Variants in CCNH observed in about 807,000 individuals in gnomAD.
CCNH encodes the protein cyclin H.
CCNH carries 31 observed loss-of-function variants against 41.9 expected under a neutral mutation model. The ratio of observed to expected loss-of-function variants is 0.74; its 90% CI spans 0.56 to 1.00. The LOEUF is 1.00. Among genes scored for constraint, CCNH ranks in the 50% least tolerant of loss-of-function variants. The pLI is 0.00. For synonymous variants in CCNH, 138 were observed against 136.1 expected, an observed-to-expected ratio of 1.01 and a Z score of -0.10; for missense variants, 362 against 388.4, an observed-to-expected ratio of 0.93 and a Z score of 0.57.
rs1762798430 is a variant in CCNH, at chr5:87,394,878, C to G, written c.933+166G>C. ...AAATAAAGACAGAAGAGAGAAAAAT[C>G]CCTTTAATAATGGACAACAGTACTG... On this transcript the variant is annotated intron_variant, in intron 8 of 8. Transcript: ENST00000256897. The G allele has an allele frequency of 5.7e-6, 8 of 1,404,576 alleles. No homozygotes were observed. The South Asian group carries it at 1.2e-4, about 22-fold the overall frequency. 87.0% of individuals were successfully genotyped at this position (1,404,576 alleles called of 1,614,324 possible). A position where few individuals can be genotyped will look rare whatever the true frequency, so the allele number is the denominator to read the frequency against.
chr5:87,408,201 A>AAGGAGGC lies in CCNH; in HGVS notation c.315-22_315-16dup. ...CACAAGTGAGCCTAGAGGAAAAAATAAGGAGGCAGGAGGCAGGGGGTGGGT... is the reference window on the plus strand; with the variant it reads ...CACAAGTGAGCCTAGAGGAAAAAATAAGGAGGCAGGAGGCAGGAGGCAGGGGGTGGGT... On this transcript the variant is annotated splice_polypyrimidine_tract_variant and intron_variant, in intron 3 of 8. Coordinates refer to ENST00000256897, the MANE Select transcript of CCNH (RefSeq NM_001239.4). The AAGGAGGC allele has an allele frequency of 6.7e-7, 1 of 1,495,988 alleles. No individual in the cohort carries two copies. Among genetic ancestry groups the AAGGAGGC allele is most frequent in the Non-Finnish European group, 9.1e-7 (1 of 1,093,852 alleles). The allele number at this position is 1,495,988 out of a possible 1,614,324, so 92.7% of individuals were successfully genotyped here.
intron 9 of CCNH, chr5:87,366,232 C>T (rs1760502102): frequency 9.5e-6 from 2 of 211,330 alleles, no homozygotes; most frequent in African/African-American, 2.3e-5. Flanking sequence ...AAATGATTCA[C>T]TAATGATACT....
intron 3 of CCNH, among the ~76,000 whole-genome samples, chr5:87,408,636 G>A (rs1039815102): frequency 1.3e-5 from 2 of 152,160 alleles, no homozygotes; most frequent in Non-Finnish European, 2.9e-5. Context: ...AAGGGCATCT[G>A]AATAAGGGAC....
chr5:87,347,759 G>A (rs1018656349), intron 9 of CCNH, among the ~76,000 whole-genome samples: 3 of 152,092 alleles, frequency 2.0e-5, no homozygotes, highest in Middle Eastern at 3.4e-3. Context: ...TAGTAATAGA[G>A]AAGAAATTTT....
At chr5:87,341,689 G>A (rs1034628542) in intron 9 of CCNH, among the ~76,000 whole-genome samples, 3 of 151,610 alleles carry the variant, frequency 2.0e-5, no homozygotes, top group Non-Finnish European at 4.4e-5. Context: ...CCAAAATAAC[G>A]GTTCTTCACA....
At position 87,408,150 on chromosome 5, in the gene CCNH, T is replaced by C. The variant is rs936112680; in HGVS notation, c.351A>G (p.Glu117=). ...CAAACTGAGGACTAGATACATTGAATTCATCTACTTTGCAGGCCAAAAATG... is the reference window on the plus strand; with the variant it reads ...CAAACTGAGGACTAGATACATTGAACTCATCTACTTTGCAGGCCAAAAATG... ...TCAFLACKVD[E]FNVSSPQFVG... is the part of the protein sequence containing the mutation. The change falls in exon 4 of 9, where the codon GAA becomes GAG. Residue 117 remains glutamate (E), a synonymous_variant. Coordinates refer to ENST00000256897, the MANE Select transcript of CCNH (RefSeq NM_001239.4). 3.1e-6 allele frequency: 5 copies of C among 1,609,460 alleles called. No individual in the cohort carries two copies. Among genetic ancestry groups the C allele is most frequent in the Non-Finnish European group, 3.4e-6 (4 of 1,177,404 alleles).
At chr5:87,389,042 A>T (rs1158758859), downstream of CCNH, among the ~76,000 whole-genome samples, 1 of 152,214 alleles carries the variant, frequency 6.6e-6, no homozygotes, top group Non-Finnish European at 1.5e-5. Flanking sequence ...TTTTACCATC[A>T]TTAATACTGA....
chr5:87,364,689 C>T (rs1361538891), intron 9 of CCNH, among the ~76,000 whole-genome samples: 1 of 152,080 alleles, frequency 6.6e-6, no homozygotes, highest in Non-Finnish European at 1.5e-5. Flanking sequence ...ACTCTGCACC[C>T]TTCTTGTGGG....
chr5:87,318,750 C>T (rs1580248061), exon 10 of CCNH: 1 of 152,288 alleles, frequency 6.6e-6, no homozygotes, highest in East Asian at 1.9e-4. Flanking sequence ...TCATTCTCCC[C>T]AGCCTCTCCC....
chr5:87,345,264 TAG>T (rs776891638), intron 9 of CCNH, among the ~76,000 whole-genome samples: 15 of 152,202 alleles, frequency 9.9e-5, no homozygotes, highest in Non-Finnish European at 1.8e-4. Context: ...GAAAACTCTT[TAG>T]AAAGAGATAT....
chr5:87,343,914 A>G (rs1180218499), intron 9 of CCNH, among the ~76,000 whole-genome samples: 1 of 152,226 alleles, frequency 6.6e-6, no homozygotes, highest in Non-Finnish European at 1.5e-5. Flanking sequence ...TGTCATTCAC[A>G]GCAACATGAA....
chr5:87,370,648 A>G (rs546032149), intron 9 of CCNH, among the ~76,000 whole-genome samples: 1 of 152,242 alleles, frequency 6.6e-6, no homozygotes, highest in South Asian at 2.1e-4. Context: ...CAACAAACTG[A>G]GACACTGTCT....
downstream of CCNH, among the ~76,000 whole-genome samples, chr5:87,315,074 A>G (rs149855529): frequency 2.0e-5 from 3 of 152,316 alleles, no homozygotes; most frequent in African/African-American, 7.2e-5. Context: ...ATTAAAATGG[A>G]TATATTATTC....
intron 9 of CCNH, chr5:87,366,401 T>C: frequency 2.4e-6 from 1 of 411,950 alleles, no homozygotes; most frequent in Admixed American, 2.6e-5. Context: ...AGGTCCACAT[T>C]ACACTTGATG....
downstream of CCNH, chr5:87,386,911 T>TTC: frequency 6.2e-7 from 1 of 1,607,142 alleles, no homozygotes. Context: ...GGGGTATGTA[T>TTC]ATAGTTTTCA....
intron 9 of CCNH, among the ~76,000 whole-genome samples, chr5:87,328,663 C>T (rs1307235698): frequency 6.6e-6 from 1 of 152,044 alleles, no homozygotes; most frequent in Admixed American, 6.5e-5. Flanking sequence ...TTCTTGGCTA[C>T]TGGGGCTAAT....
exon 1 of CCNH, chr5:87,376,854 A>C (rs1761362591): frequency 6.4e-7 from 1 of 1,565,436 alleles, no homozygotes; most frequent in African/African-American, 1.4e-5. Context: ...TACGTACTTT[A>C]AACAATCTTT....
intron 9 of CCNH, among the ~76,000 whole-genome samples, chr5:87,361,029 TACAC>T (rs1458951230): frequency 2.6e-5 from 4 of 152,080 alleles, no homozygotes; most frequent in Admixed American, 2.0e-4. Context: ...CACACACACA[TACAC>T]ACACACCCAG....
At chr5:87,342,961 CTT>C (rs1182024217) in intron 9 of CCNH, among the ~76,000 whole-genome samples, 1 of 152,120 alleles carries the variant, frequency 6.6e-6, no homozygotes, top group Non-Finnish European at 1.5e-5. Context: ...ACTCGGAAGT[CTT>C]TTTATCTGAT....
Sources: allele counts gnomAD v4.1 joint callset (sites outside exome capture counted in the v4.1 genomes callset), GRCh38; gene constraint gnomAD v4.1.1; transcripts MANE v1.5; gene names NCBI Gene and HGNC (gene_info 2026-07-23, HGNC 2026-07-21).